TSPAN9: variants seen among roughly 807,000 people sequenced by gnomAD.
The protein encoded by TSPAN9 is tetraspanin-9.
A neutral mutation model predicts 31.0 loss-of-function variants in TSPAN9; 16 were observed. The observed-to-expected ratio is 0.52, with a 90% CI of 0.35 to 0.78. The LOEUF (loss-of-function observed/expected upper bound fraction) is 0.78, where lower values mean the gene tolerates loss of function less well. Ranked by LOEUF, TSPAN9 falls within the 30% of genes least tolerant of loss-of-function variation. The probability of loss-of-function intolerance (pLI) is 0.01; values close to 1 mark genes in which losing one functional copy is unlikely to be tolerated. For synonymous variants in TSPAN9, 145 were observed against 121.6 expected (o/e 1.19, Z -1.27); for missense variants, 272 against 312.5 (o/e 0.87, Z 0.98).
chr12:3,219,969 A>G (rs923076055), intron 3 of TSPAN9, among the ~76,000 whole-genome samples: 1 of 152,092 alleles, frequency 6.6e-6, no homozygotes, highest in Non-Finnish European at 1.5e-5. Context: ...AGCCTGGCCA[A>G]CGTGGTGAAA....
intron 3 of TSPAN9, among the ~76,000 whole-genome samples, chr12:3,269,859 G>C (rs541362541): frequency 3.9e-5 from 6 of 152,368 alleles, no homozygotes; most frequent in African/African-American, 1.4e-4. Flanking sequence ...TGGCCCCACT[G>C]CCCAGGCCCA....
intron 2 of TSPAN9, among the ~76,000 whole-genome samples, chr12:3,092,174 CA>C (rs2098305077): frequency 6.6e-6 from 1 of 152,202 alleles, no homozygotes; most frequent in South Asian, 2.1e-4. Flanking sequence ...AGGCCTGTAG[CA>C]GGTAAATTCC....
chr12:3,269,967 G>A (rs935085776), intron 3 of TSPAN9, among the ~76,000 whole-genome samples: 6 of 152,230 alleles, frequency 3.9e-5, no homozygotes, highest in Non-Finnish European at 8.8e-5. Context: ...TTTATGGACT[G>A]GTGAATGATC....
chr12:3,114,566 T>A (rs1159746138), intron 2 of TSPAN9, among the ~76,000 whole-genome samples: 1 of 152,182 alleles, frequency 6.6e-6, no homozygotes. Flanking sequence ...TTCCCTGCAG[T>A]CTGGCCAGGC....
intron 2 of TSPAN9, among the ~76,000 whole-genome samples, chr12:3,166,046 T>C (rs2098348261): frequency 6.6e-6 from 1 of 152,198 alleles, no homozygotes; most frequent in East Asian, 1.9e-4. Context: ...GAGTCAATGT[T>C]ACTCTCTAAA....
chr12:3,175,387 C>T (rs1000536475), intron 2 of TSPAN9, among the ~76,000 whole-genome samples: 2 of 152,152 alleles, frequency 1.3e-5, no homozygotes, highest in African/African-American at 2.4e-5. Context: ...CTGTGGCAGC[C>T]CCTGTGAGCT....
chr12:3,185,906 C>G (rs1419214798), intron 2 of TSPAN9, among the ~76,000 whole-genome samples: 1 of 152,194 alleles, frequency 6.6e-6, no homozygotes, highest in Non-Finnish European at 1.5e-5. Flanking sequence ...GGGAATGCCT[C>G]GAACCTGACC....
chr12:3,211,445 T>G (rs2098378655), intron 3 of TSPAN9, among the ~76,000 whole-genome samples: 1 of 152,222 alleles, frequency 6.6e-6, no homozygotes, highest in Non-Finnish European at 1.5e-5. Context: ...TTTGCTGTTC[T>G]TGGCCCTTTG....
At chr12:3,126,331 G>A (rs2098327353) in intron 2 of TSPAN9, among the ~76,000 whole-genome samples, 1 of 152,198 alleles carries the variant, frequency 6.6e-6, no homozygotes, top group African/African-American at 2.4e-5. Context: ...AACCTGGATG[G>A]TATGGCCTAC....
chr12:3,245,580 C>T (rs1862107117), intron 3 of TSPAN9, among the ~76,000 whole-genome samples: 1 of 152,160 alleles, frequency 6.6e-6, no homozygotes, highest in Admixed American at 6.5e-5. Context: ...GAGGGAGAAG[C>T]CTGCCTGCCC....
chr12:3,193,889 G>A lies in TSPAN9; in HGVS notation c.-17-7288G>A, dbSNP rs866520806. On this transcript the variant is annotated intron_variant, in intron 2 of 8. Transcript: ENST00000011898. ...ATCCATCCATTCCAGGCTGTGCCAC[G>A]TGCTGGGGATATGGCTGTGAGTGAG... is the stretch of plus-strand genomic sequence containing the variant. Among the ~76,000 whole-genome samples, 15 of 152,252 alleles carry A rather than the reference G, an allele frequency of 9.9e-5. 1 individual carries two copies. In the South Asian group the frequency reaches 2.1e-3, roughly 21 times the overall value.
At position 3,192,552 on chromosome 12, in the gene TSPAN9, G is replaced by A. The variant is rs1204820619; in HGVS notation, c.-17-8625G>A. ...GAAAACTTAAGCCATTTGTTGAGAA[G>A]GAGCGGATAGTGCCAGGGAGCACAT... On this transcript the variant is annotated intron_variant, in intron 2 of 8. Transcript: ENST00000011898. The surrounding 1 kb of genome is among the most constrained non-coding windows in gnomAD (Gnocchi z 4.6). Among the ~76,000 whole-genome samples the A allele has an allele frequency of 6.6e-6, 1 of 152,170 alleles. No individual in the cohort carries two copies. Among genetic ancestry groups the A allele is most frequent in the Non-Finnish European group, 1.5e-5 (1 of 68,034 alleles).
At chr12:3,103,346 T>TC (rs936434543) in intron 2 of TSPAN9, among the ~76,000 whole-genome samples, 2 of 152,218 alleles carry the variant, frequency 1.3e-5, no homozygotes, top group African/African-American at 4.8e-5. Flanking sequence ...TACTGAGGAT[T>TC]CTTATGTTGG....
chr12:3,170,063 C>T lies in TSPAN9; in HGVS notation c.-17-31114C>T, dbSNP rs76781668. ...CTCTGCTACTTTCTGGCTGCCGTGA[C>T]CTTGAGCAAGTCCCTTTACTTCTCT... On this transcript the variant is annotated intron_variant, in intron 2 of 8. Coordinates refer to ENST00000011898, the MANE Select transcript of TSPAN9 (RefSeq NM_006675.5). This position sits in a 1 kb window ranked among gnomAD's most constrained non-coding sequence, Gnocchi z 4.4. Among the ~76,000 whole-genome samples, 2,998 of 152,228 alleles carry T rather than the reference C, an allele frequency of 0.02. 95 individuals carry two copies. Among genetic ancestry groups the T allele is most frequent in the African/African-American group, 0.068 (2,815 of 41,506 alleles).
In TSPAN9 at chr12:3,118,569, C is replaced by T. The variant is rs545855416; in HGVS notation, c.-18+34850C>T. On this transcript the variant is annotated intron_variant, in intron 2 of 8. Coordinates refer to ENST00000011898, the MANE Select transcript of TSPAN9 (RefSeq NM_006675.5). ...AGCCACCGCTCCTGGCCAGACCCCT[C>T]TCTGCTCTTTTTTTTAATGGAACAG... Among the ~76,000 whole-genome samples, 16 of 152,058 alleles carry T rather than the reference C, an allele frequency of 1.1e-4. 1 individual carries two copies. The South Asian group carries it at 3.3e-3, about 32-fold the overall frequency.
chr12:3,203,533 G>C (rs868158722), intron 3 of TSPAN9, among the ~76,000 whole-genome samples: 2 of 152,346 alleles, frequency 1.3e-5, no homozygotes, highest in South Asian at 4.1e-4. Flanking sequence ...GGTTGATAGC[G>C]AGAGAACTTG....
intron 1 of TSPAN9, among the ~76,000 whole-genome samples, chr12:3,077,861 G>A (rs955639446): frequency 6.6e-6 from 1 of 152,180 alleles, no homozygotes; most frequent in African/African-American, 2.4e-5. Context: ...GGCAGGGCTG[G>A]GATATGGCCT....
chr12:3,180,173 A>G (rs763179230), intron 2 of TSPAN9, among the ~76,000 whole-genome samples: 3 of 152,164 alleles, frequency 2.0e-5, no homozygotes, highest in Non-Finnish European at 4.4e-5. Context: ...ATTAATTCTT[A>G]TCTTTACTGT....
In TSPAN9 at chr12:3,139,478, G is replaced by A. The variant is rs143819367; in HGVS notation, c.-18+55759G>A. ...GATGGTGGGATTCGCTTCAGGCTGC[G>A]CTGCCCTCTGCTCCTTCTTGACCTG... On this transcript the variant is annotated intron_variant, in intron 2 of 8. Transcript: ENST00000011898. Among the ~76,000 whole-genome samples the A allele has an allele frequency of 7.8e-3, 1,186 of 152,320 alleles. 9 individuals are homozygous for A. The highest frequency in any genetic ancestry group is 0.012 in the Admixed American group (190 of 15,306).
Sources: gnomAD v4.1 joint callset for allele counts (sites outside exome capture counted in the v4.1 genomes callset) on GRCh38, gnomAD v4.1.1 for gene constraint, Gnocchi (gnomAD v3.1) non-coding constraint, MANE v1.5 for transcripts, NCBI Gene and HGNC (gene_info 2026-07-23, HGNC 2026-07-21) for gene names.